USPL1: variants seen among roughly 807,000 people sequenced by gnomAD.
USPL1 encodes SUMO-specific isopeptidase USPL1.
In USPL1, 27 loss-of-function variants were observed where a neutral mutation model predicts 51.5. The ratio of observed to expected loss-of-function variants is 0.52; its 90% confidence interval spans 0.39 to 0.72. USPL1 has a LOEUF of 0.72. Among genes scored for constraint, USPL1 ranks in the 30% least tolerant of loss-of-function variants. The pLI is 0.00. For missense variants in USPL1, 1,226 were observed against 1,268.0 expected (o/e 0.97, Z 0.50); for synonymous variants, 451 against 459.6 (o/e 0.98, Z 0.24).
At chr13:30,633,144 G>T (rs533312427) in intron 4 of USPL1, among the ~76,000 whole-genome samples, 1 of 152,248 alleles carries the variant, frequency 6.6e-6, no homozygotes, top group East Asian at 1.9e-4. Context: ...TTAACCCGAG[G>T]TCTGAAAGTA....
At chr13:30,636,441 A>G (rs904260269) in intron 4 of USPL1, among the ~76,000 whole-genome samples, 8 of 152,206 alleles carry the variant, frequency 5.3e-5, no homozygotes, top group Admixed American at 6.5e-5. Context: ...AGGGAAACAT[A>G]TAAGCAGAGT....
At chr13:30,641,641 G>A (rs980276012) in intron 5 of USPL1, among the ~76,000 whole-genome samples, 1 of 152,166 alleles carries the variant, frequency 6.6e-6, no homozygotes, top group Non-Finnish European at 1.5e-5. Context: ...CTGGAAGCCA[G>A]CATTCACTGT....
intron 8 of USPL1, 108 bp from the exon 9 acceptor site, chr13:30,657,366 C>T: frequency 9.0e-7 from 1 of 1,116,872 alleles, no homozygotes; most frequent in Non-Finnish European, 1.3e-6. Flanking sequence ...TTAGAGTCTT[C>T]TCCTTTGGTC....
intron 8 of USPL1, among the ~76,000 whole-genome samples, chr13:30,653,977 G>A (rs533623301): frequency 6.6e-6 from 1 of 151,974 alleles, no homozygotes; most frequent in African/African-American, 2.4e-5. Flanking sequence ...TTTCCTCCTG[G>A]GGATGGTTTG....
chr13:30,635,013 A>G (rs903924491), intron 4 of USPL1, among the ~76,000 whole-genome samples: 2 of 151,638 alleles, frequency 1.3e-5, no homozygotes, highest in Admixed American at 6.6e-5. Flanking sequence ...TCTTATCCCT[A>G]TTTGTTCTGT....
chr13:30,659,365 T>C lies in USPL1; in HGVS notation c.*9T>C, dbSNP rs1951224409. The C allele has an allele frequency of 2.6e-6, 4 of 1,551,828 alleles. No homozygotes were observed. In the East Asian group the frequency reaches 9.0e-5, roughly 35 times the overall value. On this transcript the variant is annotated 3_prime_UTR_variant, in exon 9 of 9. Transcript: ENST00000255304. ...TGTTTGAGAATTATTGAATTAATGCTTGTTAACTTTTTTCATATAATATTT... is the reference window on the plus strand; with the variant it reads ...TGTTTGAGAATTATTGAATTAATGCCTGTTAACTTTTTTCATATAATATTT...
intron 5 of USPL1, among the ~76,000 whole-genome samples, chr13:30,641,404 TC>T (rs1051309809): frequency 4.0e-5 from 6 of 150,944 alleles, no homozygotes; most frequent in Admixed American, 1.3e-4. Context: ...AGGTGACTGT[TC>T]CTGGCCATGT....
intron 5 of USPL1, among the ~76,000 whole-genome samples, chr13:30,639,347 C>T (rs776598657): frequency 2.0e-5 from 3 of 151,742 alleles, no homozygotes; most frequent in African/African-American, 7.3e-5. Context: ...TTGACTCATG[C>T]TTCTGCCCCC....
rs1951184190 is a variant in USPL1 at position 30,657,732 on chromosome 13, A to T, written c.1655A>T (p.Asp552Val). The change falls in exon 9 of 9, where the codon GAT becomes GTT. Residue 552 changes from aspartate to valine, a missense_variant. By Grantham distance (152) the Asp-to-Val change is radical (BLOSUM62 -3). Transcript: ENST00000255304. ...ACAGCCTCAGTAACTCACCCTAAAG[A>T]TATATCAGTTGCCCCTCGTACTCTT... is the stretch of plus-strand genomic sequence containing the variant. ...AETASVTHPK[D>V]ISVAPRTLSQ... The T allele has an allele frequency of 3.7e-6, 6 of 1,614,100 alleles. No homozygotes were observed. Among genetic ancestry groups the T allele is most frequent in the Non-Finnish European group, 5.1e-6 (6 of 1,180,048 alleles).
rs769627752 is a variant in USPL1 at position 30,642,678 on chromosome 13, A to G, written c.1033A>G (p.Thr345Ala). ...ATTTCCCCTGCTCTTAAAACTAGAA[A>G]CCCACATTGAAAAGCTCTTCCTATA... is the stretch of plus-strand genomic sequence containing the variant. The part of the protein sequence containing the change: ...FAFPLLLKLE[T>A]HIEKLFLYSF... The change falls in exon 6 of 9, where the codon ACC (threonine) becomes GCC (alanine). Residue 345 changes from threonine to alanine, a missense_variant. Thr to Ala is a moderately conservative substitution (Grantham distance 58). Coordinates refer to ENST00000255304, the MANE Select transcript of USPL1 (RefSeq NM_005800.5). 32 of 1,613,778 alleles carry G rather than the reference A, an allele frequency of 2.0e-5. No individual in the cohort carries two copies. The highest frequency in any genetic ancestry group is 1.5e-4 in the Admixed American group (9 of 60,002).
Position 30,653,309 on chromosome 13 carries a change from A to G in USPL1, c.1396+4A>G. ...ACATGGATTTTAGATGCTGATGGTA[A>G]GTGTTTAGAGGTTTTCTTTTAAGAT... On this transcript the variant is annotated splice_donor_region_variant and intron_variant, in intron 8 of 8. Transcript: ENST00000255304. 6.3e-7 allele frequency: 1 copy of G among 1,586,344 alleles called. No individual in the cohort carries two copies. The highest frequency in any genetic ancestry group is 1.1e-5 in the South Asian group (1 of 88,516).
chr13:30,647,874 G>A (rs1951038802), intron 7 of USPL1, among the ~76,000 whole-genome samples: 1 of 152,102 alleles, frequency 6.6e-6, no homozygotes, highest in African/African-American at 2.4e-5. Flanking sequence ...GTGCTTACAG[G>A]CTCAAAAGGG....
chr13:30,639,577 T>G (rs74043525), intron 5 of USPL1, among the ~76,000 whole-genome samples: 2,862 of 152,154 alleles, frequency 0.019, 94 homozygotes, highest in African/African-American at 0.065. Flanking sequence ...TCTTTTTTCT[T>G]TATATCAAGG....
intron 5 of USPL1, 59 bp from the exon 6 acceptor site, chr13:30,642,569 T>G: frequency 6.3e-7 from 1 of 1,575,184 alleles, no homozygotes. Flanking sequence ...GTTCACAATT[T>G]TGGTTTAGTT....
At chr13:30,647,329 A>G (rs1257389820) in intron 7 of USPL1, among the ~76,000 whole-genome samples, 1 of 151,996 alleles carries the variant, frequency 6.6e-6, no homozygotes, top group African/African-American at 2.4e-5. Context: ...AAGGATATCA[A>G]GCTTCAGTTT....
In USPL1 at chr13:30,657,543, C is replaced by T; in HGVS notation, c.1466C>T (p.Ala489Val). Residue 489 changes from alanine (A) to valine (V), a missense_variant, in exon 9 of 9, where the codon GCT (alanine) becomes GTT (valine). Coordinates refer to ENST00000255304, the MANE Select transcript of USPL1 (RefSeq NM_005800.5). ...SERHKKFEVP[A>V]SEIHIVIWER... ...AGGCACAAGAAATTTGAAGTTCCTG[C>T]TTCAGAGATACATATTGTTATTTGG... 6.2e-7 allele frequency: 1 copy of T among 1,613,652 alleles called. No homozygotes were observed.
At chr13:30,621,626 T>C (rs1005718289) in intron 2 of USPL1, 138 bp from the exon 3 acceptor site, 1 of 603,136 alleles carries the variant, frequency 1.7e-6, no homozygotes, top group African/African-American at 1.9e-5. Flanking sequence ...TTCTTTTGTT[T>C]GCCATGTTTA....
chr13:30,646,355 G>GT (rs369910911), intron 6 of USPL1, among the ~76,000 whole-genome samples: 36 of 144,456 alleles, frequency 2.5e-4, no homozygotes, highest in East Asian at 4.1e-4. Flanking sequence ...GTGTGTGTGT[G>GT]TTTTTTTTTT....
chr13:30,646,223 T>C (rs758223199), intron 6 of USPL1, among the ~76,000 whole-genome samples: 5 of 152,160 alleles, frequency 3.3e-5, no homozygotes, highest in Admixed American at 6.6e-5. Context: ...GCAGTTGAGG[T>C]TTAGTGTACA....
Sources: allele counts gnomAD v4.1 joint callset (sites outside exome capture counted in the v4.1 genomes callset), GRCh38; gene constraint gnomAD v4.1.1; transcripts MANE v1.5; gene names NCBI Gene and HGNC (gene_info 2026-07-23, HGNC 2026-07-21).